Variants in CFAP251 observed in about 807,000 individuals in gnomAD.
CFAP251 encodes cilia and flagella associated protein 251, also known as cilia- and flagella-associated protein 251.
Under a neutral mutation model 126.7 loss-of-function variants are expected in CFAP251, and 93 were observed. That is an observed-to-expected ratio of 0.73 (90% confidence interval 0.62 to 0.87). The LOEUF (loss-of-function observed/expected upper bound fraction) is 0.87. CFAP251 is among the 40% of genes least tolerant of loss of function. CFAP251 has a pLI of 0.00. For missense variants in CFAP251, 1,287 were observed against 1,389.2 expected (o/e 0.93, Z 1.17); for synonymous variants, 503 against 506.9 (o/e 0.99, Z 0.10).
intron 5 of CFAP251, among the ~76,000 whole-genome samples, chr12:121,938,266 C>T (rs556858178): frequency 1.3e-5 from 2 of 152,064 alleles, no homozygotes; most frequent in South Asian, 2.1e-4. Flanking sequence ...CTTGGCCTCC[C>T]GAAGTACTGG....
At chr12:121,953,803 G>A (rs1487483342) in intron 9 of CFAP251, 2 of 255,082 alleles carry the variant, frequency 7.8e-6, no homozygotes, top group South Asian at 6.8e-5. Flanking sequence ...ACAGGCATTA[G>A]TTTCTTCACC....
At chr12:121,951,280 G>A in intron 8 of CFAP251, 200 bp from the exon 9 acceptor site, 2 of 432,988 alleles carry the variant, frequency 4.6e-6, no homozygotes, top group Non-Finnish European at 4.2e-6. Flanking sequence ...ATCATTTGTG[G>A]CATTTTTTAT....
chr12:121,989,746 ACT>A lies in CFAP251; in HGVS notation c.3007-9969_3007-9968del, dbSNP rs1305134748. 9.1e-4 allele frequency among the ~76,000 whole-genome samples: 138 copies of A among 152,238 alleles called. No homozygotes were observed. Among genetic ancestry groups the A allele is most frequent in the African/African-American group, 3.3e-3 (137 of 41,538 alleles). On this transcript the variant is annotated intron_variant, in intron 19 of 21. Coordinates refer to ENST00000288912, the MANE Select transcript of CFAP251 (RefSeq NM_144668.6). This position sits in a 1 kb window ranked among gnomAD's most constrained non-coding sequence, Gnocchi z 4.2. ...GAAGAGGGTGAGTGCTCCCAGTCCT[ACT>A]GGTCCATGAAACCATTAGAAAAGCA...
At chr12:121,924,749 G>T (rs1880340578) in intron 3 of CFAP251, among the ~76,000 whole-genome samples, 1 of 152,152 alleles carries the variant, frequency 6.6e-6, no homozygotes, top group African/African-American at 2.4e-5. Context: ...GTCTTTTAAA[G>T]TTCGGTTAAG....
chr12:121,939,125 A>T (rs1592971553), intron 5 of CFAP251, among the ~76,000 whole-genome samples: 1 of 152,190 alleles, frequency 6.6e-6, no homozygotes, highest in Non-Finnish European at 1.5e-5. Context: ...GAACACACGT[A>T]TATGGATATC....
Position 121,942,932 on chromosome 12 carries a change from C to A in CFAP251, c.1148C>A (p.Thr383Lys). The change falls in exon 7 of 22, where the codon ACG becomes AAG. Residue 383 changes from threonine to lysine, a missense_variant. By Grantham distance (78) the Thr-to-Lys change is moderately conservative. Transcript: ENST00000288912. ...TGGAAGTGGACTTTGGCAGTGGAAA[C>A]GCCAGCATGCACTCTCGAACTCCCC... ...CIWKWTLAVE[T>K]PACTLELPTE... The A allele has an allele frequency of 1.2e-6, 2 of 1,614,098 alleles. No homozygotes were observed. Among genetic ancestry groups the A allele is most frequent in the South Asian group, 2.2e-5 (2 of 91,084 alleles).
At chr12:122,001,864 G>A (rs1883160037) in intron 21 of CFAP251, 1 of 475,460 alleles carries the variant, frequency 2.1e-6, no homozygotes, top group Admixed American at 3.3e-5. Context: ...GGCTTGGGTG[G>A]GTGAATATTG....
At position 121,974,837 on chromosome 12, in the gene CFAP251, A is replaced by G. The variant is rs1211304372; in HGVS notation, c.2772-407A>G. ...ATTAGTGTTGGCAGTTCACTTGTAC[A>G]ATATCCCATTCTTTTGACTCTGATC... is the stretch of plus-strand genomic sequence containing the variant. On this transcript the variant is annotated intron_variant, in intron 17 of 21. Transcript: ENST00000288912. The surrounding 1 kb of genome is among the most constrained non-coding windows in gnomAD (Gnocchi z 4.6). 1.3e-5 allele frequency among the ~76,000 whole-genome samples: 2 copies of G among 152,148 alleles called. No homozygotes were observed. Among genetic ancestry groups the G allele is most frequent in the African/African-American group, 4.8e-5 (2 of 41,420 alleles).
intron 3 of CFAP251, among the ~76,000 whole-genome samples, chr12:121,928,658 G>GTGTATATA (rs1880534186): frequency 3.7e-5 from 1 of 26,720 alleles, no homozygotes; most frequent in African/African-American, 5.8e-5. Flanking sequence ...ATATATATAC[G>GTGTATATA]TATATATATA....
intron 8 of CFAP251, 95 bp from the exon 9 acceptor site, chr12:121,951,385 T>G: frequency 1.3e-6 from 1 of 771,980 alleles, no homozygotes. Flanking sequence ...TTTCTGACCT[T>G]GTTTAGATGT....
intron 5 of CFAP251, among the ~76,000 whole-genome samples, chr12:121,936,921 G>C (rs1423900265): frequency 6.6e-6 from 1 of 152,164 alleles, no homozygotes; most frequent in African/African-American, 2.4e-5. Context: ...TGACATGAAA[G>C]AGCAGGTGGC....
intron 20 of CFAP251, among the ~76,000 whole-genome samples, 167 bp downstream of exon 20, chr12:122,000,111 G>T (rs1421717521): frequency 6.6e-6 from 1 of 152,200 alleles, no homozygotes; most frequent in Admixed American, 6.5e-5. Context: ...TCCCTGGCAA[G>T]TACGAAGTAA....
intron 7 of CFAP251, among the ~76,000 whole-genome samples, chr12:121,946,221 G>A (rs1362017856): frequency 2.6e-5 from 4 of 152,164 alleles, no homozygotes; most frequent in African/African-American, 9.7e-5. Context: ...GTTGTTGCAC[G>A]TATCAGTAGT....
chr12:121,969,571 G>A (rs748138672), intron 17 of CFAP251: 31 of 860,342 alleles, frequency 3.6e-5, no homozygotes, highest in Middle Eastern at 6.0e-4. Context: ...CTGCAGCCTC[G>A]AACTCCTGGG....
chr12:121,960,940 C>T (rs1881911023), intron 14 of CFAP251, among the ~76,000 whole-genome samples, 182 bp downstream of exon 14: 1 of 152,180 alleles, frequency 6.6e-6, no homozygotes. Context: ...TGGGACACCA[C>T]CTGGGGACTC....
chr12:121,942,688 G>T (rs550213509), intron 6 of CFAP251, 43 bp downstream of exon 6: 2 of 1,495,940 alleles, frequency 1.3e-6, no homozygotes, highest in Middle Eastern at 1.7e-4. Context: ...CGAGCTGGCC[G>T]ACCTGTGCAG....
At chr12:121,962,302 G>A in intron 15 of CFAP251, 140 bp downstream of exon 15, 2 of 746,402 alleles carry the variant, frequency 2.7e-6, no homozygotes, top group South Asian at 3.6e-5. Flanking sequence ...AGGAGACTGA[G>A]GCACAGATAA....
intron 8 of CFAP251, chr12:121,950,155 T>G (rs971742206): frequency 3.3e-5 from 5 of 152,250 alleles, no homozygotes; most frequent in African/African-American, 1.2e-4. Context: ...TATGAAGTGC[T>G]GATACATGCT....
intron 17 of CFAP251, chr12:121,969,254 C>G (rs1159439796): frequency 1.0e-6 from 1 of 985,310 alleles, no homozygotes; most frequent in African/African-American, 1.7e-5. Flanking sequence ...CCGGTTAAAT[C>G]TGCTTTGGAA....
Sources: gnomAD v4.1 joint callset for allele counts (sites outside exome capture counted in the v4.1 genomes callset) on GRCh38, gnomAD v4.1.1 for gene constraint, Gnocchi (gnomAD v3.1) non-coding constraint, MANE v1.5 for transcripts, NCBI Gene and HGNC (gene_info 2026-07-23, HGNC 2026-07-21) for gene names.